FLNB: variants seen among roughly 807,000 people sequenced by gnomAD.
The protein encoded by FLNB is filamin B, also known as filamin-B.
A neutral mutation model predicts 250.6 loss-of-function variants in FLNB; 111 were observed. The observed-to-expected ratio is 0.44, with a 90% CI of 0.38 to 0.52. The LOEUF (loss-of-function observed/expected upper bound fraction) is 0.52, where lower values mean the gene tolerates loss of function less well. FLNB is among the 20% of genes least tolerant of loss of function. FLNB has a pLI of 0.00. For synonymous variants in FLNB, 1,302 were observed against 1,372.1 expected, an observed-to-expected ratio of 0.95 and a Z score of 1.13; for missense variants, 2,869 against 3,447.8, an observed-to-expected ratio of 0.83 and a Z score of 4.20.
chr3:58,149,899 C>G lies in FLNB; in HGVS notation c.6141C>G (p.Ile2047Met). Residue 2047 changes from isoleucine to methionine, a missense_variant, in exon 37 of 46, where the codon ATC becomes ATG. Around this residue, in one of 5 missense-constraint regions of FLNB, gnomAD observed 1,084 missense variants for 1,315.5 expected, o/e 0.82. Coordinates refer to ENST00000295956, the MANE Select transcript of FLNB (RefSeq NM_001457.4). ...LAVEGPSKVDIQTEDLEDGTC... is the reference protein window; with the variant it reads ...LAVEGPSKVDMQTEDLEDGTC... ...TGGAAGGCCCCAGCAAAGTGGACAT[C>G]CAGACGGAGGACCTGGAAGATGGCA... The G allele has an allele frequency of 6.2e-7, 1 of 1,614,224 alleles. No individual in the cohort carries two copies. The highest frequency in any genetic ancestry group is 8.5e-7 in the Non-Finnish European group (1 of 1,180,036).
intron 10 of FLNB, among the ~76,000 whole-genome samples, chr3:58,104,741 C>G (rs1353288325): frequency 1.3e-5 from 2 of 152,034 alleles, no homozygotes; most frequent in Admixed American, 6.5e-5. Flanking sequence ...ATAGCATAAG[C>G]AGGATATAGT....
At chr3:58,039,030 T>G (rs1353033021) in intron 1 of FLNB, among the ~76,000 whole-genome samples, 1 of 150,608 alleles carries the variant, frequency 6.6e-6, no homozygotes, top group Non-Finnish European at 1.5e-5. Flanking sequence ...TCCTTTTTTT[T>G]TTTTTTTTTA....
intron 18 of FLNB, among the ~76,000 whole-genome samples, chr3:58,117,665 T>C (rs1400019313): frequency 6.6e-6 from 1 of 151,172 alleles, no homozygotes; most frequent in Non-Finnish European, 1.5e-5. Flanking sequence ...CTCCCAGCTC[T>C]GTTGAATTTG....
rs143484169 is a variant in FLNB, at chr3:58,110,765, A to G, written c.2484+595A>G. ...CTGGCCACTCAGCTAATTGTTTTGCATTTTTAGTAGAGACGGTTGCCCAGA... is the reference window on the plus strand; with the variant it reads ...CTGGCCACTCAGCTAATTGTTTTGCGTTTTTAGTAGAGACGGTTGCCCAGA... On this transcript the variant is annotated intron_variant, in intron 16 of 45. Transcript: ENST00000295956. Among the ~76,000 whole-genome samples, 48 of 152,162 alleles carry G rather than the reference A, an allele frequency of 3.2e-4. 1 individual carries two copies. The East Asian group carries it at 7.3e-3, about 23-fold the overall frequency.
chr3:58,070,601 C>G (rs1019396879), intron 1 of FLNB, among the ~76,000 whole-genome samples: 1 of 151,334 alleles, frequency 6.6e-6, no homozygotes, highest in South Asian at 2.1e-4. Flanking sequence ...AGTCTTAGTG[C>G]GAGTGTGTGT....
Position 58,145,940 on chromosome 3 carries a change from C to T in FLNB, c.5445C>T (p.Tyr1815=), listed in dbSNP as rs755702006. 286 of 1,614,092 alleles carry T rather than the reference C, an allele frequency of 1.8e-4. 2 individuals are homozygous for T. In the Admixed American group the frequency reaches 4.2e-3, roughly 24 times the overall value. ...ACCCAGAGAGCCCACTCCAGTTCTACGTGAACTACCCCAACAGTGGAAGTG... is the reference window on the plus strand; with the variant it reads ...ACCCAGAGAGCCCACTCCAGTTCTATGTGAACTACCCCAACAGTGGAAGTG... ...SHIPESPLQF[Y]VNYPNSGSVS... Residue 1815 remains tyrosine, a synonymous_variant, in exon 33 of 46, where the codon TAC becomes TAT. Coordinates refer to ENST00000295956, the MANE Select transcript of FLNB (RefSeq NM_001457.4).
At chr3:58,095,097 C>T (rs576908333) in intron 5 of FLNB, 143 bp downstream of exon 5, 8 of 730,012 alleles carry the variant, frequency 1.1e-5, no homozygotes, top group South Asian at 9.1e-5. Flanking sequence ...AGGCTTATAG[C>T]TGTTAAAGTA....
At chr3:58,061,115 G>A (rs185826842) in intron 1 of FLNB, among the ~76,000 whole-genome samples, 278 of 152,248 alleles carry the variant, frequency 1.8e-3, no homozygotes, top group Middle Eastern at 0.014. Context: ...ACAGGTGAAA[G>A]GCCATTGCCC....
intron 1 of FLNB, among the ~76,000 whole-genome samples, chr3:58,058,488 C>A (rs554002397): frequency 4.6e-5 from 7 of 152,078 alleles, no homozygotes; most frequent in Non-Finnish European, 1.0e-4. Flanking sequence ...TGGTTTTCGC[C>A]CAAATTCCTC....
chr3:58,008,816 C>T lies in FLNB; in HGVS notation c.252C>T (p.Leu84=). Residue 84 remains leucine, a synonymous_variant, in exon 1 of 46, where the codon CTC becomes CTT. Coordinates refer to ENST00000295956, the MANE Select transcript of FLNB (RefSeq NM_001457.4). Reference sequence around the variant, plus strand: ...AGCTCGAGAATGTGTCCGTGGCGCTCGAGTTCCTGGACCGTGAGAGCATCA... The same window carrying T: ...AGCTCGAGAATGTGTCCGTGGCGCTTGAGTTCCTGGACCGTGAGAGCATCA... ...QMQLENVSVA[L]EFLDRESIKL... The T allele has an allele frequency of 1.2e-6, 2 of 1,613,906 alleles. No homozygotes were observed. The highest frequency in any genetic ancestry group is 1.7e-6 in the Non-Finnish European group (2 of 1,179,970).
intron 18 of FLNB, among the ~76,000 whole-genome samples, chr3:58,118,467 G>T (rs543155757): frequency 6.3e-4 from 96 of 152,300 alleles, no homozygotes; most frequent in Non-Finnish European, 1.1e-3. Context: ...ATGAGGCCCA[G>T]CTCGCACCCT....
At position 58,126,643 on chromosome 3, in the gene FLNB, CATCAGAGTCGAAGATAA is replaced by C; in HGVS notation, c.4106_4122del (p.Ser1369LeufsTer12). On this transcript the variant is annotated frameshift_variant, in exon 24 of 46. Transcript: ENST00000295956. LOFTEE classifies it high-confidence loss of function. Reference sequence around the variant, plus strand: ...GGGCTTGGCATAACTGTTGAGGGACCATCAGAGTCGAAGATAAATTGCAGAGACAACAAGGATGGCAG... The same window carrying C: ...GGGCTTGGCATAACTGTTGAGGGACCATTGCAGAGACAACAAGGATGGCAG... 1 of 1,613,938 alleles carries C rather than the reference CATCAGAGTCGAAGATAA, an allele frequency of 6.2e-7. No homozygotes were observed. The highest frequency in any genetic ancestry group is 1.1e-5 in the South Asian group (1 of 91,078).
chr3:58,035,760 G>A lies in FLNB; in HGVS notation c.292+26904G>A, dbSNP rs184188544. On this transcript the variant is annotated intron_variant, in intron 1 of 45. Transcript: ENST00000295956. ...AAAGTGGAAGTTTTGAGAATTCCTAGTTGGACAGAATGCCTCTTGATCACG... is the reference window on the plus strand; with the variant it reads ...AAAGTGGAAGTTTTGAGAATTCCTAATTGGACAGAATGCCTCTTGATCACG... 2.8e-3 allele frequency among the ~76,000 whole-genome samples: 429 copies of A among 152,330 alleles called. 5 individuals are homozygous for A. The highest frequency in any genetic ancestry group is 1.2e-3 in the Non-Finnish European group (81 of 68,036).
chr3:58,033,416 A>T (rs1439550870), intron 1 of FLNB, among the ~76,000 whole-genome samples: 1 of 150,520 alleles, frequency 6.6e-6, no homozygotes, highest in Non-Finnish European at 1.5e-5. Context: ...TTGAGACAAG[A>T]GTCTCACTCT....
At chr3:58,028,422 T>G (rs2097126373) in intron 1 of FLNB, among the ~76,000 whole-genome samples, 1 of 151,840 alleles carries the variant, frequency 6.6e-6, no homozygotes, top group South Asian at 2.1e-4. Flanking sequence ...AATATAAATC[T>G]ATTTCATTCC....
rs1286970335 is a variant in FLNB, at chr3:58,134,781, G to C, written c.4671+9G>C. ...TTGCTGTTCAAATAACGGTAACTTG[G>C]AGTTATTTTCTGAGCCAAACCTTAA... On this transcript the variant is annotated intron_variant, in intron 27 of 45. Coordinates refer to ENST00000295956, the MANE Select transcript of FLNB (RefSeq NM_001457.4). 1 of 1,613,116 alleles carries C rather than the reference G, an allele frequency of 6.2e-7. No individual in the cohort carries two copies. Among genetic ancestry groups the C allele is most frequent in the East Asian group, 2.2e-5 (1 of 44,868 alleles).
chr3:58,043,141 C>CTTTTTTT (rs58727890), intron 1 of FLNB, among the ~76,000 whole-genome samples: 1 of 101,982 alleles, frequency 9.8e-6, no homozygotes, highest in South Asian at 3.6e-4. Flanking sequence ...TTTGGCATTC[C>CTTTTTTT]TTTTTTTTTT....
intron 1 of FLNB, among the ~76,000 whole-genome samples, chr3:58,039,847 C>T (rs563409365): frequency 2.4e-4 from 37 of 152,146 alleles, no homozygotes; most frequent in African/African-American, 8.9e-4. Flanking sequence ...TGAAGAGATG[C>T]GCAAAACTAA....
chr3:58,056,811 G>C (rs1340507836), intron 1 of FLNB, among the ~76,000 whole-genome samples: 2 of 151,908 alleles, frequency 1.3e-5, no homozygotes, highest in Admixed American at 1.3e-4. Context: ...GGATAGTCTT[G>C]ATCTCCTGAC....
Sources: allele counts gnomAD v4.1 joint callset (sites outside exome capture counted in the v4.1 genomes callset), GRCh38; gene constraint gnomAD v4.1.1; regional missense constraint gnomAD v4.1.1; transcripts MANE v1.5; gene names NCBI Gene and HGNC (gene_info 2026-07-23, HGNC 2026-07-21).